ARHGEF26: variants seen among roughly 807,000 people sequenced by gnomAD.
ARHGEF26 encodes the protein Rho guanine nucleotide exchange factor (GEF) 26.
Under a neutral mutation model 89.4 loss-of-function variants are expected in ARHGEF26, and 59 were observed. The ratio of observed to expected loss-of-function variants is 0.66; its 90% confidence interval spans 0.54 to 0.82. The LOEUF (loss-of-function observed/expected upper bound fraction) is 0.82, where lower values mean the gene tolerates loss of function less well. Among genes scored for constraint, ARHGEF26 ranks in the 40% least tolerant of loss-of-function variants. The pLI, the probability that ARHGEF26 is intolerant of heterozygous loss-of-function variation, is 0.00. For missense variants in ARHGEF26, 1,234 were observed against 1,085.6 expected, an observed-to-expected ratio of 1.14 and a Z score of -1.92; for synonymous variants, 500 against 428.4, an observed-to-expected ratio of 1.17 and a Z score of -2.06.
In ARHGEF26 at chr3:154,256,930, A is replaced by C. The variant is rs916678589; in HGVS notation, c.*1457A>C. ...CATGGAGATGAAGGATGGGAGATTA[A>C]GAGGGGGGAAATGATTTTTACTGGC... On this transcript the variant is annotated 3_prime_UTR_variant, in exon 15 of 15. Coordinates refer to ENST00000465093, the MANE Select transcript of ARHGEF26 (RefSeq NM_015595.4). The C allele has an allele frequency of 6.5e-7, 1 of 1,534,804 alleles. No individual in the cohort carries two copies. Among genetic ancestry groups the C allele is most frequent in the African/African-American group, 1.4e-5 (1 of 72,984 alleles).
chr3:154,145,976 G>A (rs192803968), intron 4 of ARHGEF26, among the ~76,000 whole-genome samples: 1 of 152,198 alleles, frequency 6.6e-6, no homozygotes, highest in African/African-American at 2.4e-5. Context: ...TGTAATAATG[G>A]ACTCACGGTC....
At chr3:154,169,483 G>A (rs1712279804) in intron 6 of ARHGEF26, among the ~76,000 whole-genome samples, 1 of 152,048 alleles carries the variant, frequency 6.6e-6, no homozygotes, top group Admixed American at 6.6e-5. Context: ...TCGATTAAGT[G>A]CCACAGTTTT....
At chr3:154,153,441 T>C (rs966538568) in intron 6 of ARHGEF26, among the ~76,000 whole-genome samples, 2 of 152,126 alleles carry the variant, frequency 1.3e-5, no homozygotes, top group Admixed American at 6.6e-5. Context: ...CCATATTTAC[T>C]TATCTATTAT....
At chr3:154,233,940 G>A (rs1716961138) in intron 11 of ARHGEF26, among the ~76,000 whole-genome samples, 1 of 152,192 alleles carries the variant, frequency 6.6e-6, no homozygotes, top group Non-Finnish European at 1.5e-5. Flanking sequence ...AAAGCCTATG[G>A]AAAGGAAACT....
At chr3:154,255,000 TTCCCCAG>T (rs1718403603) in intron 14 of ARHGEF26, among the ~76,000 whole-genome samples, 176 bp downstream of exon 14, 1 of 152,176 alleles carries the variant, frequency 6.6e-6, no homozygotes, top group African/African-American at 2.4e-5. Context: ...GTTTTCTTTT[TTCCCCAG>T]TCCCTCAGTG....
intron 6 of ARHGEF26, among the ~76,000 whole-genome samples, chr3:154,180,922 T>A (rs998862384): frequency 2.0e-5 from 3 of 152,138 alleles, no homozygotes; most frequent in Non-Finnish European, 4.4e-5. Context: ...TGGTGAAGGA[T>A]TCATCGATGA....
At chr3:154,161,021 A>G (rs78958158) in intron 6 of ARHGEF26, among the ~76,000 whole-genome samples, 1 of 152,054 alleles carries the variant, frequency 6.6e-6, no homozygotes, top group East Asian at 1.9e-4. Context: ...GGACTGTTGT[A>G]CAGGAAACGA....
chr3:154,121,089 T>G (rs1010247176), upstream of ARHGEF26: 3 of 152,260 alleles, frequency 2.0e-5, no homozygotes, highest in Admixed American at 1.3e-4. Flanking sequence ...ATTCAGGGCT[T>G]CCTAAGCTGC....
intron 6 of ARHGEF26, among the ~76,000 whole-genome samples, chr3:154,168,769 A>G (rs1194667057): frequency 1.3e-5 from 2 of 151,336 alleles, no homozygotes; most frequent in Admixed American, 1.3e-4. Flanking sequence ...ATGGTTTCTT[A>G]TTGTCCCACT....
chr3:154,158,363 G>A (rs1275495535), intron 6 of ARHGEF26, among the ~76,000 whole-genome samples: 1 of 152,134 alleles, frequency 6.6e-6, no homozygotes, highest in Non-Finnish European at 1.5e-5. Context: ...TAGTGCCATG[G>A]CCTAACAATT....
At chr3:154,162,844 C>T (rs1390046281) in intron 6 of ARHGEF26, among the ~76,000 whole-genome samples, 1 of 152,050 alleles carries the variant, frequency 6.6e-6, no homozygotes. Context: ...TGAATGAATG[C>T]AAATGATTAT....
At chr3:154,134,687 A>G (rs35674678) in intron 4 of ARHGEF26, among the ~76,000 whole-genome samples, 21,193 of 151,958 alleles carry the variant, frequency 0.14, 1,778 homozygotes, top group East Asian at 0.36. Flanking sequence ...GCTTTTGCCC[A>G]TTTAGTATGA....
At position 154,152,822 on chromosome 3, in the gene ARHGEF26, G is replaced by A; in HGVS notation, c.1377G>A (p.Glu459=). ...SSEHSYLLSL[E]ILIRMFKNSK... is the part of the protein sequence containing the mutation. ...AACATTCATATTTACTCAGCTTGGA[G>A]ATCTTGATACGAATGTTTAAAAATT... is the stretch of plus-strand genomic sequence containing the variant. Residue 459 remains glutamate, a synonymous_variant, in exon 6 of 15, where the codon GAG becomes GAA. Transcript: ENST00000465093. 6.4e-7 allele frequency: 1 copy of A among 1,568,582 alleles called. No homozygotes were observed. The highest frequency in any genetic ancestry group is 8.7e-7 in the Non-Finnish European group (1 of 1,155,544).
At chr3:154,142,670 G>A (rs1213645142) in intron 4 of ARHGEF26, among the ~76,000 whole-genome samples, 5 of 151,390 alleles carry the variant, frequency 3.3e-5, no homozygotes, top group Non-Finnish European at 5.9e-5. Context: ...AAATAAAATA[G>A]CAACTAATAT....
intron 6 of ARHGEF26, among the ~76,000 whole-genome samples, chr3:154,153,167 C>G (rs77449135): frequency 0.066 from 10,008 of 152,142 alleles, 915 homozygotes; most frequent in African/African-American, 0.2. Context: ...TCCTCTTTCC[C>G]CACTTTGCTT....
Position 154,213,147 on chromosome 3 carries a change from T to C in ARHGEF26, c.1846-4722T>C, listed in dbSNP as rs1305909275. Among the ~76,000 whole-genome samples the C allele has an allele frequency of 2.6e-5, 4 of 152,094 alleles. No homozygotes were observed. In the East Asian group the frequency reaches 7.7e-4, roughly 29 times the overall value. On this transcript the variant is annotated intron_variant, in intron 9 of 14. Transcript: ENST00000465093. ...CAGATATTCTATTAATCTTTGTTAA[T>C]TTGATGGATCAAAAAGACTTTGTGT...
intron 9 of ARHGEF26, among the ~76,000 whole-genome samples, chr3:154,202,434 G>A (rs968459078): frequency 1.3e-4 from 20 of 152,204 alleles, no homozygotes; most frequent in Non-Finnish European, 1.5e-4. Context: ...GTCAGGTAGC[G>A]TGATGCCTCC....
intron 11 of ARHGEF26, among the ~76,000 whole-genome samples, chr3:154,228,297 C>G (rs1454039616): frequency 6.6e-6 from 1 of 151,974 alleles, no homozygotes; most frequent in African/African-American, 2.4e-5. Context: ...GCCACCATGC[C>G]TGGCTAATTT....
chr3:154,213,183 A>G (rs2038933600), intron 9 of ARHGEF26, among the ~76,000 whole-genome samples: 1 of 149,178 alleles, frequency 6.7e-6, no homozygotes, highest in East Asian at 2.0e-4. Context: ...TTTAATTTAC[A>G]TTTCTTTACG....
Sources: allele counts gnomAD v4.1 joint callset (sites outside exome capture counted in the v4.1 genomes callset), GRCh38; gene constraint gnomAD v4.1.1; transcripts MANE v1.5; gene names NCBI Gene and HGNC (gene_info 2026-07-23, HGNC 2026-07-21).